PDE4B: variants seen among roughly 807,000 people sequenced by gnomAD.
The protein encoded by PDE4B is phosphodiesterase 4B.
In PDE4B, 20 loss-of-function variants were observed where a neutral mutation model predicts 82.2. That is an observed-to-expected ratio of 0.24 (90% CI 0.17 to 0.35). The LOEUF is 0.35. Among genes scored for constraint, PDE4B ranks in the 10% least tolerant of loss-of-function variants. PDE4B has a pLI of 1.00. For synonymous variants in PDE4B, 320 were observed against 318.9 expected (o/e 1.00, Z -0.04); for missense variants, 655 against 907.2 (o/e 0.72, Z 3.57).
At chr1:66,001,392 A>T (rs1010815141) in intron 3 of PDE4B, among the ~76,000 whole-genome samples, 4 of 152,200 alleles carry the variant, frequency 2.6e-5, no homozygotes, top group Non-Finnish European at 5.9e-5. Context: ...TAGTTTTGGG[A>T]TCAAAAGAAA....
intron 8 of PDE4B, among the ~76,000 whole-genome samples, chr1:66,345,563 C>T (rs1319024282): frequency 6.6e-6 from 1 of 152,098 alleles, no homozygotes; most frequent in Non-Finnish European, 1.5e-5. Context: ...TAGTGAAGCC[C>T]CAGCAGTTAC....
chr1:66,045,278 T>A (rs1017475484), intron 3 of PDE4B, among the ~76,000 whole-genome samples: 1 of 151,712 alleles, frequency 6.6e-6, no homozygotes, highest in African/African-American at 2.4e-5. Flanking sequence ...TTTTTGTGGG[T>A]ACTCCCTTCA....
intron 3 of PDE4B, among the ~76,000 whole-genome samples, chr1:66,068,617 C>T (rs943487402): frequency 6.6e-6 from 1 of 151,910 alleles, no homozygotes; most frequent in African/African-American, 2.4e-5. Flanking sequence ...TTAACTAATA[C>T]ACTTTGAACA....
At chr1:65,863,828 C>G (rs1557785000) in intron 1 of PDE4B, among the ~76,000 whole-genome samples, 1 of 152,094 alleles carries the variant, frequency 6.6e-6, no homozygotes, top group Non-Finnish European at 1.5e-5. Flanking sequence ...ATTGCAACCC[C>G]TGCTTTTTTG....
intron 1 of PDE4B, among the ~76,000 whole-genome samples, chr1:65,815,618 TA>T (rs1645873900): frequency 6.6e-6 from 1 of 152,098 alleles, no homozygotes; most frequent in Non-Finnish European, 1.5e-5. Context: ...AGTTTATTTT[TA>T]AAAAAAGGTT....
intron 1 of PDE4B, among the ~76,000 whole-genome samples, chr1:65,902,195 T>C (rs184691499): frequency 6.6e-6 from 1 of 152,218 alleles, no homozygotes; most frequent in East Asian, 1.9e-4. Flanking sequence ...AGACTTAATT[T>C]ATGGATGAGT....
chr1:65,939,623 C>G (rs756080212), intron 3 of PDE4B, among the ~76,000 whole-genome samples: 1 of 152,060 alleles, frequency 6.6e-6, no homozygotes. Flanking sequence ...AGAGAATGCT[C>G]AGGTCTTGAA....
chr1:65,936,316 TAAA>T (rs1447025971), intron 3 of PDE4B, among the ~76,000 whole-genome samples: 1 of 152,108 alleles, frequency 6.6e-6, no homozygotes, highest in East Asian at 1.9e-4. Flanking sequence ...AAAATAATGA[TAAA>T]AAGTCAGCAC....
At chr1:66,327,657 G>A (rs1166819209) in intron 7 of PDE4B, among the ~76,000 whole-genome samples, 1 of 152,030 alleles carries the variant, frequency 6.6e-6, no homozygotes, top group South Asian at 2.1e-4. Context: ...TTTAGTCTTC[G>A]AGAACATAGG....
At chr1:65,877,676 A>G (rs1646662157) in intron 1 of PDE4B, among the ~76,000 whole-genome samples, 1 of 151,674 alleles carries the variant, frequency 6.6e-6, no homozygotes, top group Non-Finnish European at 1.5e-5. Context: ...AAAACTGACT[A>G]GTCATATGCA....
At chr1:65,871,904 A>G (rs1452335592) in intron 1 of PDE4B, among the ~76,000 whole-genome samples, 1 of 152,200 alleles carries the variant, frequency 6.6e-6, no homozygotes, top group Non-Finnish European at 1.5e-5. Flanking sequence ...TCAACTCTTG[A>G]ATACAATATA....
At chr1:65,792,741 C>T (rs927255781), upstream of PDE4B, 1 of 151,940 alleles carries the variant, frequency 6.6e-6, no homozygotes, top group Non-Finnish European at 1.5e-5. Context: ...GCAGTTACAA[C>T]CTACTACACA....
chr1:65,820,811 A>C (rs192024314), intron 1 of PDE4B, among the ~76,000 whole-genome samples: 54 of 152,350 alleles, frequency 3.5e-4, no homozygotes, highest in Middle Eastern at 3.4e-3. Context: ...AATTAGAAAT[A>C]ATTACAGAAA....
intron 3 of PDE4B, among the ~76,000 whole-genome samples, chr1:65,992,090 G>T (rs1651274646): frequency 6.6e-6 from 1 of 152,090 alleles, no homozygotes; most frequent in East Asian, 1.9e-4. Context: ...TTTCCTGTTC[G>T]CTGACATTTT....
chr1:66,227,849 A>G (rs1274758788), intron 3 of PDE4B, among the ~76,000 whole-genome samples: 1 of 152,174 alleles, frequency 6.6e-6, no homozygotes, highest in Non-Finnish European at 1.5e-5. Flanking sequence ...CTCTACCCCA[A>G]ACCCAAATCT....
intron 3 of PDE4B, among the ~76,000 whole-genome samples, chr1:66,089,647 G>A (rs1644973360): frequency 6.6e-6 from 1 of 151,842 alleles, no homozygotes; most frequent in African/African-American, 2.4e-5. Flanking sequence ...ACCTTGCTAC[G>A]ACTGCATAAG....
intron 3 of PDE4B, among the ~76,000 whole-genome samples, chr1:65,965,016 A>G (rs1649740943): frequency 6.6e-6 from 1 of 152,136 alleles, no homozygotes; most frequent in Non-Finnish European, 1.5e-5. Flanking sequence ...TTACAGGAGA[A>G]CTTATTCTCA....
intron 3 of PDE4B, among the ~76,000 whole-genome samples, chr1:66,073,581 GTGA>G (rs1656271857): frequency 6.6e-6 from 1 of 151,840 alleles, no homozygotes; most frequent in Admixed American, 6.6e-5. Flanking sequence ...TTGGCATGTG[GTGA>G]TGCAACTGTG....
chr1:65,863,779 G>C lies in PDE4B; in HGVS notation c.-70-49466G>C, dbSNP rs149470761. 1.1e-3 allele frequency among the ~76,000 whole-genome samples: 170 copies of C among 152,004 alleles called. 1 individual carries two copies. The highest frequency in any genetic ancestry group is 2.8e-3 in the African/African-American group (116 of 41,466). On this transcript the variant is annotated intron_variant, in intron 1 of 16. Transcript: ENST00000341517. ...CGTAATGCGTTTCTTTCTCTTTTTT[G>C]ATCTTTGTCAGTTAAAGTCTGTTTT... is the stretch of plus-strand genomic sequence containing the variant.
Sources: gnomAD v4.1 joint callset for allele counts (sites outside exome capture counted in the v4.1 genomes callset) on GRCh38, gnomAD v4.1.1 for gene constraint, MANE v1.5 for transcripts, NCBI Gene and HGNC (gene_info 2026-07-23, HGNC 2026-07-21) for gene names.